The following KCNA2 variants were observed in gnomAD, a reference collection of about 807,000 sequenced individuals.
KCNA2 encodes the protein potassium channel, voltage gated shaker related subfamily A, member 2.
Under a neutral mutation model 33.4 loss-of-function variants are expected in KCNA2, and 11 were observed. The observed-to-expected ratio is 0.33, with a 90% CI of 0.21 to 0.55. KCNA2 has a LOEUF of 0.55. Ranked by LOEUF, KCNA2 falls within the 20% of genes least tolerant of loss-of-function variation. The pLI is 0.93. For missense variants in KCNA2, 291 were observed against 621.6 expected (o/e 0.47, Z 5.66); for synonymous variants, 222 against 231.3 (o/e 0.96, Z 0.37).
rs1382160430 is a variant in KCNA2 at position 110,595,324 on chromosome 1, G to T, written c.*7959C>A. ...AAGTTATATCCATTTCCATGCTGAGGTTCATGAAGTACAAGAAGTAGCCAT... is the reference window on the plus strand; with the variant it reads ...AAGTTATATCCATTTCCATGCTGAGTTTCATGAAGTACAAGAAGTAGCCAT... On this transcript the variant is annotated 3_prime_UTR_variant, in exon 3 of 3. Transcript: ENST00000316361. 25 of 985,312 alleles carry T rather than the reference G, an allele frequency of 2.5e-5. No individual in the cohort carries two copies. The highest frequency in any genetic ancestry group is 2.9e-5 in the Non-Finnish European group (24 of 829,940). 61.0% of individuals were successfully genotyped at this position (985,312 alleles called of 1,614,324 possible).
At position 110,603,326 on chromosome 1, in the gene KCNA2, T is replaced by C; in HGVS notation, c.1457A>G (p.Asn486Ser). The C allele has an allele frequency of 6.2e-7, 1 of 1,612,110 alleles. No homozygotes were observed. The highest frequency in any genetic ancestry group is 8.5e-7 in the Non-Finnish European group (1 of 1,179,402). Reference sequence around the variant, plus strand: ...TTTGGTAATATTCACATAGTTTGTGTTAGCCAAGGTACAGTTGGCTGTTTT... The same window carrying C: ...TTTGGTAATATTCACATAGTTTGTGCTAGCCAAGGTACAGTTGGCTGTTTT... Reference protein sequence around the residue: ...NLKTANCTLANTNYVNITKML... With the variant: ...NLKTANCTLASTNYVNITKML... Residue 486 changes from asparagine to serine, a missense_variant, in exon 3 of 3, where the codon AAC (asparagine) becomes AGC (serine). Coordinates refer to ENST00000316361, the MANE Select transcript of KCNA2 (RefSeq NM_004974.4). The surrounding 1 kb of genome is among the most constrained non-coding windows in gnomAD (Gnocchi z 5.7).
At chr1:110,622,572 T>C (rs1650287112) in intron 1 of KCNA2, among the ~76,000 whole-genome samples, 1 of 152,098 alleles carries the variant, frequency 6.6e-6, no homozygotes, top group Non-Finnish European at 1.5e-5. Flanking sequence ...ACAGGTGGCA[T>C]GGTTATTTAT....
In KCNA2 at chr1:110,594,881, C is replaced by A. The variant is rs1649030634; in HGVS notation, c.*8402G>T. 1 of 985,392 alleles carries A rather than the reference C, an allele frequency of 1.0e-6. No homozygotes were observed. Among genetic ancestry groups the A allele is most frequent in the African/African-American group, 1.7e-5 (1 of 57,338 alleles). 61.0% of individuals were successfully genotyped at this position (985,392 alleles called of 1,614,324 possible). On this transcript the variant is annotated 3_prime_UTR_variant, in exon 3 of 3. Coordinates refer to ENST00000316361, the MANE Select transcript of KCNA2 (RefSeq NM_004974.4). ...AAGTCCTTGCCCTACACTTCATAGG[C>A]TAAAAAGGCAGTAATGTTAGCAGCT... is the stretch of plus-strand genomic sequence containing the variant.
rs1011866460 is a variant in KCNA2, at chr1:110,618,712, C to T, written c.-496+12683G>A. 3.3e-5 allele frequency among the ~76,000 whole-genome samples: 5 copies of T among 152,098 alleles called. 1 individual carries two copies. Among genetic ancestry groups the T allele is most frequent in the Admixed American group, 2.0e-4 (3 of 15,274 alleles). ...TTCTTGCTTCCTTCCCATGCCCCCA[C>T]ACCTGAACCCCCATCCCTCTGAGTA... is the stretch of plus-strand genomic sequence containing the variant. On this transcript the variant is annotated intron_variant, in intron 1 of 4. Transcript: ENST00000369770.
intron 1 of KCNA2, among the ~76,000 whole-genome samples, chr1:110,626,056 A>G (rs74120007): frequency 0.026 from 3,941 of 152,298 alleles, 192 homozygotes; most frequent in African/African-American, 0.089. Flanking sequence ...AGTTTTCAAA[A>G]CTACAAATAC....
intron 1 of KCNA2, among the ~76,000 whole-genome samples, chr1:110,620,093 TGA>T (rs35267607): frequency 4.1e-5 from 5 of 122,044 alleles, no homozygotes; most frequent in East Asian, 5.0e-4. Context: ...AGAGAGTGAG[TGA>T]GAGAGAGAGA....
chr1:110,601,852 GTATA>G lies in KCNA2; in HGVS notation c.*1427_*1430del. On this transcript the variant is annotated 3_prime_UTR_variant, in exon 3 of 3. Coordinates refer to ENST00000316361, the MANE Select transcript of KCNA2 (RefSeq NM_004974.4). ...TGTATACATATACACACATATGTATGTATATATATACACCCTAGTGCACATAGTC... is the reference window on the plus strand; with the variant it reads ...TGTATACATATACACACATATGTATGTATATACACCCTAGTGCACATAGTC... 7.1e-7 allele frequency: 1 copy of G among 1,412,274 alleles called. No homozygotes were observed. Among genetic ancestry groups the G allele is most frequent in the Non-Finnish European group, 9.2e-7 (1 of 1,087,600 alleles). 87.5% of individuals were successfully genotyped at this position (1,412,274 alleles called of 1,614,324 possible). A position where few individuals can be genotyped will look rare whatever the true frequency, so the allele number is the denominator to read the frequency against.
In KCNA2 at chr1:110,598,892, C is replaced by T; in HGVS notation, c.*4391G>A. The T allele has an allele frequency of 2.0e-6, 2 of 985,424 alleles. No individual in the cohort carries two copies. Among genetic ancestry groups the T allele is most frequent in the Non-Finnish European group, 2.4e-6 (2 of 829,912 alleles). The allele number at this position is 985,424 out of a possible 1,614,324, so 61.0% of individuals were successfully genotyped here. A position where few individuals can be genotyped will look rare whatever the true frequency, so the allele number is the denominator to read the frequency against. ...TGACCCACTCAGCCACTCTCTCTTC[C>T]TGACAATCTCTCCACCTTTCCTGGG... is the stretch of plus-strand genomic sequence containing the variant. On this transcript the variant is annotated 3_prime_UTR_variant, in exon 3 of 3. Coordinates refer to ENST00000316361, the MANE Select transcript of KCNA2 (RefSeq NM_004974.4).
chr1:110,624,873 G>T (rs891904207), intron 1 of KCNA2, among the ~76,000 whole-genome samples: 1 of 152,142 alleles, frequency 6.6e-6, no homozygotes, highest in Non-Finnish European at 1.5e-5. Context: ...GGTTGATATC[G>T]GTGAAAAGTC....
At chr1:110,623,767 A>G (rs1257551714) in intron 1 of KCNA2, among the ~76,000 whole-genome samples, 1 of 152,240 alleles carries the variant, frequency 6.6e-6, no homozygotes, top group Non-Finnish European at 1.5e-5. Flanking sequence ...ATAACTCAGT[A>G]AAAAAGAAAA....
chr1:110,595,201 T>C lies in KCNA2; in HGVS notation c.*8082A>G. On this transcript the variant is annotated 3_prime_UTR_variant, in exon 3 of 3. Transcript: ENST00000316361. ...AGCTGTCCACATTATTACATAATCA[T>C]GCCCTGTGCATCCATCAGTGGAATG... The C allele has an allele frequency of 3.0e-6, 3 of 985,444 alleles. No homozygotes were observed. The highest frequency in any genetic ancestry group is 4.7e-5 in the South Asian group (1 of 21,286). 61.0% of individuals were successfully genotyped at this position (985,444 alleles called of 1,614,324 possible).
At chr1:110,605,177 G>A (rs1165242334) in intron 2 of KCNA2, among the ~76,000 whole-genome samples, 2 of 152,176 alleles carry the variant, frequency 1.3e-5, no homozygotes, top group African/African-American at 4.8e-5. Flanking sequence ...GAAGGTGGCT[G>A]GTACAGGCCC....
At chr1:110,631,029 T>A (rs1271610691) in intron 1 of KCNA2, among the ~76,000 whole-genome samples, 1 of 152,184 alleles carries the variant, frequency 6.6e-6, no homozygotes. Context: ...GTCGGCTGTT[T>A]GGGAGTTACA....
chr1:110,627,239 G>A (rs758051927), intron 1 of KCNA2, among the ~76,000 whole-genome samples: 6 of 152,216 alleles, frequency 3.9e-5, no homozygotes, highest in Non-Finnish European at 7.3e-5. Context: ...GAAGCTTTAA[G>A]TTAATCATCA....
Position 110,604,907 on chromosome 1 carries a change from C to A in KCNA2, c.-125G>T. Reference sequence around the variant, plus strand: ...GGCCTGGTCTCCTGCAGGAGAGCCCCGAGAGCTCTCTGAGAGCTGGAGAGA... The same window carrying A: ...GGCCTGGTCTCCTGCAGGAGAGCCCAGAGAGCTCTCTGAGAGCTGGAGAGA... On this transcript the variant is annotated 5_prime_UTR_variant, in exon 3 of 3. Transcript: ENST00000316361. The surrounding 1 kb of genome is among the most constrained non-coding windows in gnomAD (Gnocchi z 7.6). 12 of 868,874 alleles carry A rather than the reference C, an allele frequency of 1.4e-5. No homozygotes were observed. The highest frequency in any genetic ancestry group is 1.8e-5 in the Non-Finnish European group (10 of 551,788). The allele number at this position is 868,874 out of a possible 1,614,324, so 53.8% of individuals were successfully genotyped here. A position where few individuals can be genotyped will look rare whatever the true frequency, so the allele number is the denominator to read the frequency against.
At position 110,604,904 on chromosome 1, in the gene KCNA2, C is replaced by G; in HGVS notation, c.-122G>C. ...ATTGGCCTGGTCTCCTGCAGGAGAG[C>G]CCCGAGAGCTCTCTGAGAGCTGGAG... On this transcript the variant is annotated 5_prime_UTR_variant, in exon 3 of 3. Transcript: ENST00000316361. This position sits in a 1 kb window ranked among gnomAD's most constrained non-coding sequence, Gnocchi z 7.6. 1.1e-6 allele frequency: 1 copy of G among 898,326 alleles called. No individual in the cohort carries two copies. The highest frequency in any genetic ancestry group is 2.5e-5 in the East Asian group (1 of 40,630). The allele number at this position is 898,326 out of a possible 1,614,324, so 55.6% of individuals were successfully genotyped here.
At chr1:110,628,966 A>C (rs1178379184) in intron 1 of KCNA2, among the ~76,000 whole-genome samples, 1 of 152,170 alleles carries the variant, frequency 6.6e-6, no homozygotes, top group African/African-American at 2.4e-5. Context: ...GTGGTGCTGC[A>C]CCATGCCTGG....
At chr1:110,617,826 A>G (rs542538027) in intron 1 of KCNA2, among the ~76,000 whole-genome samples, 1 of 152,232 alleles carries the variant, frequency 6.6e-6, no homozygotes, top group Non-Finnish European at 1.5e-5. Flanking sequence ...GTGTCGAGGG[A>G]TGGAGCTCAC....
In KCNA2 at chr1:110,604,797, G is replaced by A. The variant is rs774508711; in HGVS notation, c.-15C>T. On this transcript the variant is annotated 5_prime_UTR_variant, in exon 3 of 3. Transcript: ENST00000316361. The surrounding 1 kb of genome is among the most constrained non-coding windows in gnomAD (Gnocchi z 7.6). ...GCCACTGTCATAATTGGGACTGAGA[G>A]AAGCACCTCACGCTATGCCTTTCAG... is the stretch of plus-strand genomic sequence containing the variant. 4 of 1,603,314 alleles carry A rather than the reference G, an allele frequency of 2.5e-6. No homozygotes were observed. In the African/African-American group the frequency reaches 4.0e-5, roughly 16 times the overall value.
Sources: allele counts gnomAD v4.1 joint callset (sites outside exome capture counted in the v4.1 genomes callset), GRCh38; gene constraint gnomAD v4.1.1; non-coding constraint Gnocchi (gnomAD v3.1); transcripts MANE v1.5; gene names NCBI Gene and HGNC (gene_info 2026-07-23, HGNC 2026-07-21).